PIP5K1C: variants seen among roughly 807,000 people sequenced by gnomAD.
PIP5K1C encodes phosphatidylinositol-4-phosphate 5-kinase type 1 gamma.
A neutral mutation model predicts 80.1 loss-of-function variants in PIP5K1C; 45 were observed. The ratio of observed to expected loss-of-function variants is 0.56; its 90% CI spans 0.44 to 0.72. PIP5K1C has a LOEUF of 0.72. Among genes scored for constraint, PIP5K1C ranks in the 30% least tolerant of loss-of-function variants. The probability of loss-of-function intolerance (pLI) is 0.00; values close to 1 mark genes in which losing one functional copy is unlikely to be tolerated. For missense variants in PIP5K1C, 753 were observed against 954.6 expected (o/e 0.79, Z 2.78); for synonymous variants, 498 against 420.1 (o/e 1.19, Z -2.27).
At chr19:3,638,088 C>T (rs1166637019) in intron 16 of PIP5K1C, 70 of 1,430,808 alleles carry the variant, frequency 4.9e-5, no homozygotes, top group Non-Finnish European at 6.2e-5. Flanking sequence ...TGCCCGTGCC[C>T]AGCCCTCCTT....
intron 11 of PIP5K1C, among the ~76,000 whole-genome samples, chr19:3,645,203 G>A (rs1177711989): frequency 1.3e-5 from 2 of 152,174 alleles, no homozygotes; most frequent in Admixed American, 6.5e-5. Context: ...GTGCGGACCC[G>A]CAGATCATTC....
chr19:3,676,337 G>A (rs1344195211), intron 1 of PIP5K1C, among the ~76,000 whole-genome samples: 1 of 152,180 alleles, frequency 6.6e-6, no homozygotes, highest in Non-Finnish European at 1.5e-5. Flanking sequence ...TACATCCGCG[G>A]TCCCCGGCAC....
In PIP5K1C at chr19:3,700,427, G is replaced by A. The variant is rs529154599; in HGVS notation, c.-37C>T. 32 of 1,033,452 alleles carry A rather than the reference G, an allele frequency of 3.1e-5. No homozygotes were observed. The highest frequency in any genetic ancestry group is 2.9e-4 in the South Asian group (7 of 23,980). 64.0% of individuals were successfully genotyped at this position (1,033,452 alleles called of 1,614,324 possible). A position where few individuals can be genotyped will look rare whatever the true frequency, so the allele number is the denominator to read the frequency against. On this transcript the variant is annotated 5_prime_UTR_variant, in exon 1 of 18. Transcript: ENST00000335312. ...GACGGCGGCGGGGGCGCCCGAGGGG[G>A]ACCCGAGCTGCGACCGCCGCCGCCG...
At chr19:3,641,405 C>T (rs1418135932) in intron 15 of PIP5K1C, among the ~76,000 whole-genome samples, 1 of 152,114 alleles carries the variant, frequency 6.6e-6, no homozygotes, top group African/African-American at 2.4e-5. Flanking sequence ...ATCCCGGGCA[C>T]TGCAGGCTGA....
At position 3,637,708 on chromosome 19, in the gene PIP5K1C, G is replaced by A; in HGVS notation, c.1920+1176C>T. 2.0e-6 allele frequency: 3 copies of A among 1,511,738 alleles called. No homozygotes were observed. The highest frequency in any genetic ancestry group is 1.3e-5 in the South Asian group (1 of 79,950). The allele number at this position is 1,511,738 out of a possible 1,614,324, so 93.6% of individuals were successfully genotyped here. On this transcript the variant is annotated intron_variant, in intron 16 of 17. Coordinates refer to ENST00000335312, the MANE Select transcript of PIP5K1C (RefSeq NM_012398.3). This position sits in a 1 kb window ranked among gnomAD's most constrained non-coding sequence, Gnocchi z 7.0. ...CCGTGGTCGGGTGGGAGAGGCGGAGGGAGGTGGCGGGGAGCAGGTGGGGAC... is the reference window on the plus strand; with the variant it reads ...CCGTGGTCGGGTGGGAGAGGCGGAGAGAGGTGGCGGGGAGCAGGTGGGGAC...
At position 3,646,023 on chromosome 19, in the gene PIP5K1C, G is replaced by T; in HGVS notation, c.1296C>A (p.Ala432=). 6.2e-7 allele frequency: 1 copy of T among 1,613,308 alleles called. No homozygotes were observed. The change falls in exon 11 of 18, where the codon GCC becomes GCA. Residue 432 remains alanine, a synonymous_variant. Coordinates refer to ENST00000335312, the MANE Select transcript of PIP5K1C (RefSeq NM_012398.3). ...TGCTCATGAACTTGAAAAAGCGCTCGGCATAGAAGCTGGGGCGGTGGACGG... is the reference window on the plus strand; with the variant it reads ...TGCTCATGAACTTGAAAAAGCGCTCTGCATAGAAGCTGGGGCGGTGGACGG... ...TVSVHRPSFY[A]ERFFKFMSNT...
chr19:3,670,520 GCCCACTCCTGGA>G (rs975387425), intron 1 of PIP5K1C, among the ~76,000 whole-genome samples: 1 of 152,224 alleles, frequency 6.6e-6, no homozygotes, highest in Non-Finnish European at 1.5e-5. Flanking sequence ...GCAGAGCCCT[GCCCACTCCTGGA>G]CCTCAGGCTC....
At chr19:3,661,151 T>A in intron 4 of PIP5K1C, 68 bp from the exon 5 acceptor site, 4 of 1,046,212 alleles carry the variant, frequency 3.8e-6, no homozygotes, top group Non-Finnish European at 6.0e-6. Flanking sequence ...CCCGCCATGG[T>A]CCCTCCTAGT....
chr19:3,638,759 T>G, intron 16 of PIP5K1C, 125 bp downstream of exon 16: 1 of 1,254,236 alleles, frequency 8.0e-7, no homozygotes, highest in East Asian at 2.3e-5. Flanking sequence ...AGCATGTGGG[T>G]GGGTCGACAG....
rs1223556727 is a variant in PIP5K1C, at chr19:3,648,997, C to T, written c.1128-289G>A. Among the ~76,000 whole-genome samples, 1 of 152,180 alleles carries T rather than the reference C, an allele frequency of 6.6e-6. No homozygotes were observed. Reference sequence around the variant, plus strand: ...ACACACACATGCACACACACGCACACTGCATGCCCAGGTAGGGCCACGGGG... The same window carrying T: ...ACACACACATGCACACACACGCACATTGCATGCCCAGGTAGGGCCACGGGG... On this transcript the variant is annotated intron_variant, in intron 8 of 17. Transcript: ENST00000335312. The surrounding 1 kb of genome is among the most constrained non-coding windows in gnomAD (Gnocchi z 4.3).
chr19:3,641,931 C>G, intron 14 of PIP5K1C, 122 bp from the exon 15 acceptor site: 1 of 769,536 alleles, frequency 1.3e-6, no homozygotes, highest in South Asian at 1.5e-5. Context: ...CTGATTGGGT[C>G]TGTTCTTTCT....
chr19:3,663,326 G>A (rs1025885722), intron 3 of PIP5K1C, among the ~76,000 whole-genome samples: 6 of 152,202 alleles, frequency 3.9e-5, no homozygotes, highest in African/African-American at 1.2e-4. Context: ...GAGGGAGGTC[G>A]GGAGTTGGGA....
At chr19:3,641,067 T>C (rs2033940731) in intron 15 of PIP5K1C, among the ~76,000 whole-genome samples, 2 of 151,570 alleles carry the variant, frequency 1.3e-5, no homozygotes, top group Admixed American at 6.6e-5. Flanking sequence ...ACACAAAAAT[T>C]AGCCATGCGT....
chr19:3,691,118 T>A (rs567672662), intron 1 of PIP5K1C, among the ~76,000 whole-genome samples: 1 of 152,254 alleles, frequency 6.6e-6, no homozygotes, highest in African/African-American at 2.4e-5. Context: ...AAAGAGGAAA[T>A]GCTGCGAAGA....
chr19:3,636,846 T>C (rs2033708747), intron 16 of PIP5K1C: 12 of 992,952 alleles, frequency 1.2e-5, no homozygotes, highest in Non-Finnish European at 1.4e-5. Flanking sequence ...GGCAGGTCTC[T>C]TAGGCTCTCT....
intron 7 of PIP5K1C, among the ~76,000 whole-genome samples, chr19:3,652,929 CAG>C (rs1217744432): frequency 4.6e-5 from 7 of 152,176 alleles, no homozygotes; most frequent in African/African-American, 1.7e-4. Context: ...CTCAGCAGTG[CAG>C]ACACTCCCGA....
At chr19:3,675,682 G>A (rs954968391) in intron 1 of PIP5K1C, among the ~76,000 whole-genome samples, 2 of 152,070 alleles carry the variant, frequency 1.3e-5, no homozygotes, top group Admixed American at 6.6e-5. Flanking sequence ...ACATGCAAAC[G>A]GCTTGGGGGC....
chr19:3,695,077 G>A (rs746244877), intron 1 of PIP5K1C, among the ~76,000 whole-genome samples: 4 of 152,230 alleles, frequency 2.6e-5, no homozygotes, highest in South Asian at 2.1e-4. Flanking sequence ...GGACAGATTC[G>A]GGTGGGGTCT....
At chr19:3,651,079 G>A (rs1223647186) in intron 8 of PIP5K1C, among the ~76,000 whole-genome samples, 5 of 130,576 alleles carry the variant, frequency 3.8e-5, no homozygotes, top group Non-Finnish European at 4.7e-5. Context: ...TTTTAAGACA[G>A]GGTCTCACTC....
Sources: allele counts gnomAD v4.1 joint callset (sites outside exome capture counted in the v4.1 genomes callset), GRCh38; gene constraint gnomAD v4.1.1; non-coding constraint Gnocchi (gnomAD v3.1); transcripts MANE v1.5; gene names NCBI Gene and HGNC (gene_info 2026-07-23, HGNC 2026-07-21).